DYDC1: variants seen among roughly 807,000 people sequenced by gnomAD.
DYDC1 encodes DPY30 domain-containing protein 1.
A neutral mutation model predicts 27.9 loss-of-function variants in DYDC1; 21 were observed. The observed-to-expected ratio is 0.75, with a 90% CI of 0.53 to 1.08. DYDC1 has a LOEUF of 1.08. Ranked by LOEUF, DYDC1 falls within the 50% of genes least tolerant of loss-of-function variation. DYDC1 has a pLI of 0.00. For missense variants in DYDC1, 202 were observed against 205.9 expected, an observed-to-expected ratio of 0.98 and a Z score of 0.12; for synonymous variants, 67 against 65.8, an observed-to-expected ratio of 1.02 and a Z score of -0.09.
chr10:80,356,424 C>T, intron 1 of DYDC1: 1 of 985,456 alleles, frequency 1.0e-6, no homozygotes, highest in Non-Finnish European at 1.2e-6. Context: ...GTGCCAGATA[C>T]AGTATTGTAT....
At chr10:80,338,666 C>G in intron 5 of DYDC1, 95 bp from the exon 6 acceptor site, 8 of 1,249,542 alleles carry the variant, frequency 6.4e-6, no homozygotes, top group Non-Finnish European at 8.3e-6. Flanking sequence ...TGATTTATAA[C>G]ATTAAAATTC....
chr10:80,338,348 A>G, intron 6 of DYDC1, 119 bp downstream of exon 6: 6 of 1,402,280 alleles, frequency 4.3e-6, no homozygotes, highest in Non-Finnish European at 5.6e-6. Context: ...CTCTGAAGCA[A>G]AAGGCCTATT....
chr10:80,349,113 G>C (rs941370049), intron 3 of DYDC1, among the ~76,000 whole-genome samples: 6 of 152,056 alleles, frequency 3.9e-5, no homozygotes, highest in South Asian at 2.1e-4. Flanking sequence ...GGATGGTCTC[G>C]ATCTCCTGAC....
intron 3 of DYDC1, among the ~76,000 whole-genome samples, chr10:80,348,303 T>C (rs1298986053): frequency 2.0e-5 from 3 of 152,236 alleles, no homozygotes; most frequent in African/African-American, 7.2e-5. Flanking sequence ...GAAGAAATAC[T>C]CCCAACCACT....
At chr10:80,351,378 C>A (rs942591623) in intron 3 of DYDC1, among the ~76,000 whole-genome samples, 1 of 151,220 alleles carries the variant, frequency 6.6e-6, no homozygotes, top group Non-Finnish European at 1.5e-5. Flanking sequence ...CTCACTCCTC[C>A]ACTACTGTGC....
At position 80,353,797 on chromosome 10, in the gene DYDC1, C is replaced by G. The variant is rs146853729; in HGVS notation, c.-9-1187G>C. Reference sequence around the variant, plus strand: ...TATGTTGTGAGGATTACATGAGACCCACATTACTTGGCATCAAGTAAACTT... The same window carrying G: ...TATGTTGTGAGGATTACATGAGACCGACATTACTTGGCATCAAGTAAACTT... On this transcript the variant is annotated intron_variant, in intron 1 of 6. Transcript: ENST00000372202. Among the ~76,000 whole-genome samples the G allele has an allele frequency of 5.0e-3, 765 of 152,142 alleles. 8 individuals are homozygous for G. The highest frequency in any genetic ancestry group is 9.3e-3 in the Non-Finnish European group (631 of 68,002).
At chr10:80,338,438 GT>G in intron 6 of DYDC1, 28 bp downstream of exon 6, 2 of 1,606,660 alleles carry the variant, frequency 1.2e-6, no homozygotes, top group South Asian at 1.1e-5. Flanking sequence ...ACAAAAACGA[GT>G]TTTTTCACAA....
At chr10:80,336,076 G>T, downstream of DYDC1, 1 of 980,558 alleles carries the variant, frequency 1.0e-6, no homozygotes, top group African/African-American at 1.7e-5. Flanking sequence ...AAGTTTGAAG[G>T]AAAAAAATAC....
chr10:80,350,753 T>C (rs1842933222), intron 3 of DYDC1, among the ~76,000 whole-genome samples: 2 of 152,218 alleles, frequency 1.3e-5, no homozygotes, highest in South Asian at 4.1e-4. Flanking sequence ...TTAAGTATTA[T>C]CTGGTAGAAC....
chr10:80,351,860 C>T (rs755275570), intron 3 of DYDC1, 41 bp downstream of exon 3: 4 of 1,584,328 alleles, frequency 2.5e-6, no homozygotes, highest in Non-Finnish European at 3.5e-6. Context: ...AGGTTGGCAT[C>T]GTTAATTCCA....
intron 3 of DYDC1, among the ~76,000 whole-genome samples, chr10:80,348,946 C>A (rs1842824932): frequency 6.6e-6 from 1 of 152,148 alleles, no homozygotes; most frequent in South Asian, 2.1e-4. Flanking sequence ...GGCTGGACTG[C>A]AGTGGCGCGA....
chr10:80,346,610 G>A (rs534568188), intron 3 of DYDC1, among the ~76,000 whole-genome samples: 41 of 151,418 alleles, frequency 2.7e-4, no homozygotes, highest in South Asian at 1.3e-3. Context: ...ACAGGCGCCC[G>A]CCACCACGCC....
chr10:80,345,899 C>A (rs1192862291), intron 3 of DYDC1, among the ~76,000 whole-genome samples: 3 of 152,058 alleles, frequency 2.0e-5, no homozygotes, highest in Non-Finnish European at 4.4e-5. Flanking sequence ...GCTCTGTCAC[C>A]CAGGTGGGAG....
rs572802704 is a variant in DYDC1 at position 80,351,643 on chromosome 10, C to T, written c.249+258G>A. On this transcript the variant is annotated intron_variant, in intron 3 of 6. Transcript: ENST00000372202. Reference sequence around the variant, plus strand: ...CAGCACACTCTGTATTTTCCTCTTACCTGGAGGTATGGCATCTTTTGTATC... The same window carrying T: ...CAGCACACTCTGTATTTTCCTCTTATCTGGAGGTATGGCATCTTTTGTATC... Among the ~76,000 whole-genome samples, 59 of 152,290 alleles carry T rather than the reference C, an allele frequency of 3.9e-4. No homozygotes were observed. In the South Asian group the frequency reaches 9.9e-3, roughly 26 times the overall value.
At chr10:80,341,141 G>A (rs1168820523) in intron 4 of DYDC1, among the ~76,000 whole-genome samples, 1 of 152,050 alleles carries the variant, frequency 6.6e-6, no homozygotes, top group Non-Finnish European at 1.5e-5. Context: ...TTAAGAGATA[G>A]TAGCTATAAA....
chr10:80,346,444 CTT>C (rs1032729095), intron 3 of DYDC1, among the ~76,000 whole-genome samples: 20 of 83,348 alleles, frequency 2.4e-4, no homozygotes, highest in South Asian at 1.1e-3. Flanking sequence ...TCTTCCCTTT[CTT>C]TTTTTTTTTT....
chr10:80,350,717 T>A (rs889604056), intron 3 of DYDC1, among the ~76,000 whole-genome samples: 3 of 152,214 alleles, frequency 2.0e-5, no homozygotes, highest in Non-Finnish European at 4.4e-5. Context: ...TTTTTAAATA[T>A]GTAAATTTGA....
chr10:80,352,869 T>A, intron 1 of DYDC1: 1 of 320,114 alleles, frequency 3.1e-6, no homozygotes, highest in Non-Finnish European at 5.6e-6. Flanking sequence ...AGAGATATTA[T>A]CATTATTGAT....
chr10:80,347,553 TTA>T (rs1346736133), intron 3 of DYDC1, among the ~76,000 whole-genome samples: 1 of 152,150 alleles, frequency 6.6e-6, no homozygotes. Flanking sequence ...TTTTTCTACA[TTA>T]TGTTTTCTTC....
Sources: gnomAD v4.1 joint callset for allele counts (sites outside exome capture counted in the v4.1 genomes callset) on GRCh38, gnomAD v4.1.1 for gene constraint, MANE v1.5 for transcripts, NCBI Gene and HGNC (gene_info 2026-07-23, HGNC 2026-07-21) for gene names.